Variants in CDK14 observed in about 807,000 individuals in gnomAD.
CDK14 encodes cyclin-dependent kinase 14.
CDK14 carries 34 observed loss-of-function variants against 60.7 expected under a neutral mutation model. That is an observed-to-expected ratio of 0.56 (90% CI 0.43 to 0.75). The LOEUF (loss-of-function observed/expected upper bound fraction) is 0.75, where lower values mean the gene tolerates loss of function less well. Ranked by LOEUF, CDK14 falls within the 30% of genes least tolerant of loss-of-function variation. The probability of loss-of-function intolerance (pLI) is 0.00; values close to 1 mark genes in which losing one functional copy is unlikely to be tolerated. For missense variants in CDK14, 482 were observed against 564.1 expected, an observed-to-expected ratio of 0.85 and a Z score of 1.47; for synonymous variants, 197 against 203.7, an observed-to-expected ratio of 0.97 and a Z score of 0.28.
At chr7:90,642,568 C>G (rs1367170937) in intron 2 of CDK14, among the ~76,000 whole-genome samples, 4 of 151,766 alleles carry the variant, frequency 2.6e-5, no homozygotes, top group Admixed American at 6.6e-5. Context: ...TTTATAGAGA[C>G]AGGGTTTCGC....
chr7:90,627,910 AGCTGTGAAT>A (rs1799909670), intron 2 of CDK14, among the ~76,000 whole-genome samples: 1 of 152,214 alleles, frequency 6.6e-6, no homozygotes, highest in African/African-American at 2.4e-5. Flanking sequence ...TCTACTGCAA[AGCTGTGAAT>A]GCTTTTTGTT....
At chr7:90,980,895 A>G (rs775469462) in intron 9 of CDK14, among the ~76,000 whole-genome samples, 3 of 152,224 alleles carry the variant, frequency 2.0e-5, no homozygotes, top group Admixed American at 6.5e-5. Context: ...GATGATATAG[A>G]CTAAACACAA....
intron 10 of CDK14, among the ~76,000 whole-genome samples, chr7:90,999,897 T>C (rs1401528627): frequency 6.6e-6 from 1 of 152,214 alleles, no homozygotes; most frequent in African/African-American, 2.4e-5. Context: ...TTATTATTAC[T>C]TAGTAGTATA....
At chr7:91,116,842 C>T (rs1164035425) in intron 13 of CDK14, among the ~76,000 whole-genome samples, 1 of 151,888 alleles carries the variant, frequency 6.6e-6, no homozygotes, top group Non-Finnish European at 1.5e-5. Flanking sequence ...ACTAAAGTCT[C>T]CTGTTCACAC....
At chr7:90,826,902 C>T (rs1379063650) in intron 5 of CDK14, among the ~76,000 whole-genome samples, 1 of 152,024 alleles carries the variant, frequency 6.6e-6, no homozygotes, top group East Asian at 1.9e-4. Flanking sequence ...ATCTAAAGTG[C>T]AGAGCTTACA....
intron 5 of CDK14, among the ~76,000 whole-genome samples, chr7:90,850,551 T>C (rs1268539144): frequency 2.6e-5 from 4 of 152,036 alleles, no homozygotes; most frequent in African/African-American, 9.7e-5. Context: ...AAATGATAAC[T>C]AAGTTAAGAT....
chr7:91,180,999 T>G (rs1443047388), intron 14 of CDK14, among the ~76,000 whole-genome samples: 1 of 152,208 alleles, frequency 6.6e-6, no homozygotes, highest in Non-Finnish European at 1.5e-5. Context: ...GACAACATTG[T>G]TTCCTCTTAA....
Position 90,943,332 on chromosome 7 carries a change from G to T in CDK14, c.827-12365G>T, listed in dbSNP as rs190222405. On this transcript the variant is annotated intron_variant, in intron 8 of 14. Coordinates refer to ENST00000380050, the MANE Select transcript of CDK14 (RefSeq NM_001287135.2). ...TCCTTGCTCTTAGGGAGTATATTTT[G>T]TATAGCTAGAGAGGTAAACAGAGAT... Among the ~76,000 whole-genome samples the T allele has an allele frequency of 1.6e-3, 246 of 152,248 alleles. 2 individuals carry two copies. In the Middle Eastern group the frequency reaches 0.017, roughly 11 times the overall value.
At position 90,608,464 on chromosome 7, in the gene CDK14, A is replaced by T. The variant is rs548459329; in HGVS notation, c.123+4215A>T. On this transcript the variant is annotated intron_variant, in intron 2 of 14. Transcript: ENST00000380050. ...ATGGTGATAGCTACAGCAATTCATG[A>T]ATTGTTCTCATGGGTAAATTAAAAG... 5.1e-6 allele frequency: 3 copies of T among 592,716 alleles called. No homozygotes were observed. The South Asian group carries it at 2.2e-4, about 44-fold the overall frequency. 36.7% of individuals were successfully genotyped at this position (592,716 alleles called of 1,614,324 possible). A position where few individuals can be genotyped will look rare whatever the true frequency, so the allele number is the denominator to read the frequency against.
chr7:91,171,449 C>T (rs1472761122), intron 14 of CDK14, among the ~76,000 whole-genome samples: 1 of 152,104 alleles, frequency 6.6e-6, no homozygotes, highest in African/African-American at 2.4e-5. Flanking sequence ...CTAAAAGATG[C>T]TTTTATTAGT....
At chr7:91,004,777 G>T (rs1039302437) in intron 10 of CDK14, among the ~76,000 whole-genome samples, 2 of 152,156 alleles carry the variant, frequency 1.3e-5, no homozygotes, top group Non-Finnish European at 2.9e-5. Flanking sequence ...ACCAATGGAT[G>T]GTTATCATAG....
At chr7:90,889,251 T>C (rs1232713919) in intron 6 of CDK14, among the ~76,000 whole-genome samples, 1 of 152,224 alleles carries the variant, frequency 6.6e-6, no homozygotes, top group Non-Finnish European at 1.5e-5. Flanking sequence ...CCTGCATTCC[T>C]TTTATCAGAG....
intron 10 of CDK14, among the ~76,000 whole-genome samples, chr7:90,991,313 A>G (rs950034639): frequency 2.6e-5 from 4 of 152,080 alleles, no homozygotes; most frequent in African/African-American, 9.7e-5. Flanking sequence ...AAAAGAGACA[A>G]TCTTGGTTCC....
At chr7:90,672,391 A>G (rs1227008866) in intron 2 of CDK14, among the ~76,000 whole-genome samples, 1 of 152,048 alleles carries the variant, frequency 6.6e-6, no homozygotes, top group Non-Finnish European at 1.5e-5. Context: ...TTTTTAAAAA[A>G]ACACATGGAG....
At chr7:90,928,385 G>A (rs532462436) in intron 8 of CDK14, among the ~76,000 whole-genome samples, 4 of 152,192 alleles carry the variant, frequency 2.6e-5, no homozygotes, top group East Asian at 1.9e-4. Context: ...TGATGGTGAC[G>A]TACAGATGGG....
chr7:90,619,925 G>A (rs974029077), intron 2 of CDK14, among the ~76,000 whole-genome samples: 2 of 152,176 alleles, frequency 1.3e-5, no homozygotes, highest in African/African-American at 4.8e-5. Flanking sequence ...GAACCCAGGA[G>A]GCAGAGGTTG....
At chr7:90,846,103 G>A (rs1344301366) in intron 5 of CDK14, among the ~76,000 whole-genome samples, 2 of 151,974 alleles carry the variant, frequency 1.3e-5, no homozygotes, top group African/African-American at 2.4e-5. Context: ...CAAACATTTT[G>A]GTTTTCAACC....
At position 90,604,216 on chromosome 7, in the gene CDK14, A is replaced by G; in HGVS notation, c.92-2A>G. The stretch of plus-strand genomic sequence containing the variant: ...TGTTTCCTTTTCCTTCTTATTTTAT[A>G]GCTTTGAAGAAAGATGACACCACCT... On this transcript the variant is annotated splice_acceptor_variant, in intron 1 of 14. Coordinates refer to ENST00000380050, the MANE Select transcript of CDK14 (RefSeq NM_001287135.2). LOFTEE classifies it high-confidence loss of function. 1 of 1,531,404 alleles carries G rather than the reference A, an allele frequency of 6.5e-7. No individual in the cohort carries two copies. The highest frequency in any genetic ancestry group is 8.9e-7 in the Non-Finnish European group (1 of 1,129,350). 94.9% of individuals were successfully genotyped at this position (1,531,404 alleles called of 1,614,324 possible). A position where few individuals can be genotyped will look rare whatever the true frequency, so the allele number is the denominator to read the frequency against.
chr7:90,632,291 C>T (rs1800019954), intron 2 of CDK14: 3 of 269,046 alleles, frequency 1.1e-5, no homozygotes, highest in Admixed American at 4.5e-5. Flanking sequence ...AAGGCATCCC[C>T]TCAAGATAAC....
Sources: allele counts gnomAD v4.1 joint callset (sites outside exome capture counted in the v4.1 genomes callset), GRCh38; gene constraint gnomAD v4.1.1; transcripts MANE v1.5; gene names NCBI Gene and HGNC (gene_info 2026-07-23, HGNC 2026-07-21).